The following CLEC16A variants were observed in gnomAD, a reference collection of about 807,000 sequenced individuals.
CLEC16A encodes protein CLEC16A.
In CLEC16A, 51 loss-of-function variants were observed where a neutral mutation model predicts 109.5. That is an observed-to-expected ratio of 0.47 (90% CI 0.37 to 0.59). CLEC16A has a LOEUF of 0.59. CLEC16A is among the 20% of genes least tolerant of loss of function. The probability of loss-of-function intolerance (pLI) is 0.00; values close to 1 mark genes in which losing one functional copy is unlikely to be tolerated. For synonymous variants in CLEC16A, 673 were observed against 564.2 expected (o/e 1.19, Z -2.73); for missense variants, 1,339 against 1,394.0 (o/e 0.96, Z 0.63).
chr16:11,152,418 G>A (rs554408987), intron 22 of CLEC16A, among the ~76,000 whole-genome samples: 2 of 152,334 alleles, frequency 1.3e-5, no homozygotes, highest in Non-Finnish European at 2.9e-5. Flanking sequence ...GTTTTCTGGA[G>A]AGATTTGGGG....
intron 3 of CLEC16A, among the ~76,000 whole-genome samples, chr16:10,965,926 A>T (rs2042479540): frequency 6.6e-6 from 1 of 152,150 alleles, no homozygotes. Flanking sequence ...TCACAGTTGC[A>T]CATCTGAAGC....
chr16:11,071,624 A>G (rs1034893189), intron 19 of CLEC16A, among the ~76,000 whole-genome samples: 2 of 141,938 alleles, frequency 1.4e-5, no homozygotes, highest in African/African-American at 5.3e-5. Flanking sequence ...TTTTTAAGAG[A>G]TGGGATCTTG....
chr16:10,997,860 A>G (rs1329379021), intron 10 of CLEC16A, among the ~76,000 whole-genome samples: 6 of 152,232 alleles, frequency 3.9e-5, no homozygotes, highest in Non-Finnish European at 7.3e-5. Flanking sequence ...TATTTTAACC[A>G]TAAACTGAAT....
At chr16:11,041,723 A>C (rs1397689098) in intron 14 of CLEC16A, 1 of 153,184 alleles carries the variant, frequency 6.5e-6, no homozygotes, top group Non-Finnish European at 1.5e-5. Flanking sequence ...TCAGCCCGGC[A>C]CAAGGAGAAT....
At chr16:11,120,574 C>G (rs2052330298) in intron 19 of CLEC16A, 41 bp from the exon 20 acceptor site, 1 of 1,566,748 alleles carries the variant, frequency 6.4e-7, no homozygotes, top group Non-Finnish European at 8.7e-7. Context: ...CCCTGGGCAG[C>G]CAGACTGTGC....
At chr16:10,999,935 C>G (rs1037844789) in intron 10 of CLEC16A, among the ~76,000 whole-genome samples, 1 of 152,186 alleles carries the variant, frequency 6.6e-6, no homozygotes, top group African/African-American at 2.4e-5. Context: ...CTCCCAGGTT[C>G]GATCGATTCT....
At chr16:11,127,315 A>G (rs889264444) in intron 22 of CLEC16A, among the ~76,000 whole-genome samples, 5 of 152,280 alleles carry the variant, frequency 3.3e-5, no homozygotes, top group Admixed American at 3.3e-4. Flanking sequence ...TGTCATATGG[A>G]TGGGCAAAAA....
Position 10,944,713 on chromosome 16 carries a change from CCGA to C in CLEC16A, c.-3_-1del, listed in dbSNP as rs755457413. On this transcript the variant is annotated 5_prime_UTR_variant, in exon 1 of 24. Transcript: ENST00000409790. ...TGAGACGAGAGACGGGTCGGGGCCGCCGACATGTTTGGCCGCTCGCGGAGCTGG... is the reference window on the plus strand; with the variant it reads ...TGAGACGAGAGACGGGTCGGGGCCGCCATGTTTGGCCGCTCGCGGAGCTGG... The C allele has an allele frequency of 1.2e-6, 2 of 1,604,180 alleles. No individual in the cohort carries two copies. Among genetic ancestry groups the C allele is most frequent in the Admixed American group, 1.7e-5 (1 of 59,290 alleles).
At position 10,944,666 on chromosome 16, in the gene CLEC16A, C is replaced by T. The variant is rs2041246278; in HGVS notation, c.-52C>T. On this transcript the variant is annotated 5_prime_UTR_variant, in exon 1 of 24. Transcript: ENST00000409790. ...CTACCGCCGCGGGCGCTGGGCCGCT[C>T]TGCTGGTCCGGCATGAGACCGTGAG... 1 of 1,540,504 alleles carries T rather than the reference C, an allele frequency of 6.5e-7. No homozygotes were observed. Among genetic ancestry groups the T allele is most frequent in the Non-Finnish European group, 8.8e-7 (1 of 1,131,064 alleles).
intron 20 of CLEC16A, among the ~76,000 whole-genome samples, chr16:11,122,373 T>C (rs1165789933): frequency 3.3e-5 from 5 of 152,266 alleles, no homozygotes; most frequent in Non-Finnish European, 7.3e-5. Context: ...CTAGGCTTTA[T>C]CTAGGCTTAT....
chr16:11,076,132 A>T (rs928250029), intron 19 of CLEC16A, among the ~76,000 whole-genome samples: 2 of 152,160 alleles, frequency 1.3e-5, no homozygotes, highest in Non-Finnish European at 2.9e-5. Flanking sequence ...TTTCCACACC[A>T]ACAGCCAGTA....
chr16:11,005,797 A>G (rs1249122810), intron 11 of CLEC16A, among the ~76,000 whole-genome samples: 2 of 152,178 alleles, frequency 1.3e-5, no homozygotes, highest in African/African-American at 2.4e-5. Flanking sequence ...ATTGCATACC[A>G]GAGAACAGTG....
intron 2 of CLEC16A, 97 bp from the exon 3 acceptor site, chr16:10,962,358 G>C: frequency 6.8e-7 from 1 of 1,460,596 alleles, no homozygotes; most frequent in South Asian, 1.1e-5. Context: ...GGGGGAGAGG[G>C]GTGAATCTAA....
intron 19 of CLEC16A, among the ~76,000 whole-genome samples, chr16:11,105,991 G>T (rs1439451996): frequency 1.3e-5 from 2 of 152,110 alleles, no homozygotes; most frequent in East Asian, 3.8e-4. Flanking sequence ...TCAAATCCTT[G>T]CTATTCAACT....
rs200933244 is a variant in CLEC16A, at chr16:11,180,299, A to C, written c.*1609A>C. On this transcript the variant is annotated 3_prime_UTR_variant, in exon 24 of 24. Coordinates refer to ENST00000409790, the MANE Select transcript of CLEC16A (RefSeq NM_015226.3). ...AGTGGCGCCCATGGGGACAGGCCTC[A>C]GTCCTTAGAAGCCCTCTGGGTAGCT... The C allele has an allele frequency of 3.5e-4, 54 of 152,346 alleles. No individual in the cohort carries two copies. Among genetic ancestry groups the C allele is most frequent in the Admixed American group, 2.2e-3 (33 of 15,270 alleles). The allele number at this position is 152,346 out of a possible 1,614,324, so 9.4% of individuals were successfully genotyped here.
chr16:11,055,558 C>T (rs1046772284), intron 18 of CLEC16A, among the ~76,000 whole-genome samples: 5 of 132,806 alleles, frequency 3.8e-5, no homozygotes, highest in African/African-American at 9.0e-5. Flanking sequence ...CTCACGATAA[C>T]GCCGTTTTCC....
intron 23 of CLEC16A, among the ~76,000 whole-genome samples, chr16:11,168,982 A>G (rs975006181): frequency 6.6e-6 from 1 of 152,190 alleles, no homozygotes; most frequent in Non-Finnish European, 1.5e-5. Flanking sequence ...TCCACCAGAG[A>G]TGATATCCTT....
intron 18 of CLEC16A, among the ~76,000 whole-genome samples, chr16:11,058,284 T>A (rs1465037932): frequency 6.6e-6 from 1 of 152,180 alleles, no homozygotes; most frequent in Non-Finnish European, 1.5e-5. Context: ...TCGGTATCCA[T>A]GGGGAATTGG....
At chr16:11,000,880 T>C (rs2044629487) in intron 10 of CLEC16A, among the ~76,000 whole-genome samples, 1 of 152,226 alleles carries the variant, frequency 6.6e-6, no homozygotes, top group African/African-American at 2.4e-5. Flanking sequence ...CCCCAGCATA[T>C]AATTGGTGGT....
Sources: allele counts gnomAD v4.1 joint callset (sites outside exome capture counted in the v4.1 genomes callset), GRCh38; gene constraint gnomAD v4.1.1; transcripts MANE v1.5; gene names NCBI Gene and HGNC (gene_info 2026-07-23, HGNC 2026-07-21).